The following QRICH2 variants were observed in gnomAD, a reference collection of about 807,000 sequenced individuals.
QRICH2 encodes the protein glutamine rich 2.
QRICH2 carries 119 observed loss-of-function variants against 168.3 expected under a neutral mutation model. That is an observed-to-expected ratio of 0.71 (90% CI 0.61 to 0.82). The LOEUF is 0.82. Ranked by LOEUF, QRICH2 falls within the 40% of genes least tolerant of loss-of-function variation. The pLI, the probability that QRICH2 is intolerant of heterozygous loss-of-function variation, is 0.00. For synonymous variants in QRICH2, 894 were observed against 951.2 expected (o/e 0.94, Z 1.11); for missense variants, 2,241 against 2,491.6 (o/e 0.90, Z 2.14).
At chr17:76,309,335 G>A (rs1355078943), upstream of QRICH2, among the ~76,000 whole-genome samples, 3 of 144,758 alleles carry the variant, frequency 2.1e-5, no homozygotes, top group African/African-American at 5.3e-5. Context: ...CAGCCTGGGC[G>A]ACAGTGCAAG....
At chr17:76,277,922 G>A in intron 15 of QRICH2, 67 bp downstream of exon 15, 2 of 1,542,476 alleles carry the variant, frequency 1.3e-6, no homozygotes, top group Non-Finnish European at 1.8e-6. Flanking sequence ...GCACAGCCGT[G>A]CACGAGCAGA....
chr17:76,291,549 T>A lies in QRICH2; in HGVS notation c.3178A>T (p.Ser1060Cys). 1 of 1,614,068 alleles carries A rather than the reference T, an allele frequency of 6.2e-7. No individual in the cohort carries two copies. The highest frequency in any genetic ancestry group is 8.5e-7 in the Non-Finnish European group (1 of 1,179,984). The part of the protein sequence containing the change: ...GLMHPGTDQH[S>C]PIPLSTGLGS... Reference sequence around the variant, plus strand: ...AAACCTGTACTCAGTGGTATTGGGCTGTGCTGGTCTGTGCCAGGATGCATC... The same window carrying A: ...AAACCTGTACTCAGTGGTATTGGGCAGTGCTGGTCTGTGCCAGGATGCATC... Residue 1060 changes from serine (S) to cysteine (C), a missense_variant, in exon 4 of 19, where the codon AGC becomes TGC. Physicochemically the swap from Ser to Cys is moderately radical, Grantham distance 112. Around this residue, in one of 3 missense-constraint regions of QRICH2, gnomAD observed 2,047 missense variants for 2,303.8 expected, o/e 0.89. Coordinates refer to ENST00000680821, the MANE Select transcript of QRICH2 (RefSeq NM_001388453.1).
rs1252353088 is a variant in QRICH2, at chr17:76,287,081, CACACACAT to C, written c.4011+103_4011+110del. ...ACACACACACACACACACACACACA[CACACACAT>C]GATGGGAGGGACCTAGTTTTTGATG... On this transcript the variant is annotated intron_variant, in intron 7 of 18. Transcript: ENST00000680821. 9.4e-4 allele frequency: 295 copies of C among 313,498 alleles called. 23 individuals are homozygous for C. Among genetic ancestry groups the C allele is most frequent in the Middle Eastern group, 3.7e-3 (6 of 1,642 alleles). 19.4% of individuals were successfully genotyped at this position (313,498 alleles called of 1,614,324 possible). A position where few individuals can be genotyped will look rare whatever the true frequency, so the allele number is the denominator to read the frequency against.
chr17:76,285,573 C>T (rs1310756527), intron 7 of QRICH2, among the ~76,000 whole-genome samples: 1 of 151,082 alleles, frequency 6.6e-6, no homozygotes, highest in Admixed American at 6.6e-5. Flanking sequence ...CGGCCCCACA[C>T]AAAAACTTAT....
rs200376022 is a variant in QRICH2, at chr17:76,292,730, T to C, written c.1997A>G (p.Asp666Gly). Residue 666 changes from aspartate (D) to glycine (G), a missense_variant, in exon 4 of 19, where the codon GAT becomes GGT. This residue lies in a region of QRICH2 where 2,047 missense variants were observed against 2,303.8 expected (regional missense o/e 0.89). Transcript: ENST00000680821. ...GCCAGGTTGGACCATGCCAGGCTGATCTACACCAGGCTGTACCAAGACACC... is the reference window on the plus strand; with the variant it reads ...GCCAGGTTGGACCATGCCAGGCTGACCTACACCAGGCTGTACCAAGACACC... The part of the protein sequence containing the change: ...GQGVLVQPGV[D>G]QPGMVQPGRF... The C allele has an allele frequency of 2.9e-5, 47 of 1,612,036 alleles. No individual in the cohort carries two copies. The Middle Eastern group carries it at 6.6e-4, about 23-fold the overall frequency.
In QRICH2 at chr17:76,308,129, A is replaced by C. The variant is rs1598509969; in HGVS notation, c.-131T>G. On this transcript the variant is annotated 5_prime_UTR_variant, in exon 1 of 19. Transcript: ENST00000680821. ...GGCGCCCCTGCCCCGGGTCCGGCCGAGTCACTGGACAGAGCTCCTGCCTCC... is the reference window on the plus strand; with the variant it reads ...GGCGCCCCTGCCCCGGGTCCGGCCGCGTCACTGGACAGAGCTCCTGCCTCC... 8.7e-7 allele frequency: 1 copy of C among 1,155,844 alleles called. No individual in the cohort carries two copies. The highest frequency in any genetic ancestry group is 1.1e-6 in the Non-Finnish European group (1 of 949,212). 71.6% of individuals were successfully genotyped at this position (1,155,844 alleles called of 1,614,324 possible). A position where few individuals can be genotyped will look rare whatever the true frequency, so the allele number is the denominator to read the frequency against.
At chr17:76,278,971 G>T in intron 14 of QRICH2, 70 bp downstream of exon 14, 1 of 1,305,500 alleles carries the variant, frequency 7.7e-7, no homozygotes, top group Non-Finnish European at 1.1e-6. Flanking sequence ...AGTCATCCCT[G>T]TCCCCTGCCT....
chr17:76,280,495 A>G lies in QRICH2; in HGVS notation c.4462-44T>C. On this transcript the variant is annotated intron_variant, in intron 10 of 18. Transcript: ENST00000680821. This position sits in a 1 kb window ranked among gnomAD's most constrained non-coding sequence, Gnocchi z 7.4. ...AGGTCCCCGCATCTGGGAGATGGCC[A>G]TGGAGGGGCCCCATTCCCTGGGGGT... is the stretch of plus-strand genomic sequence containing the variant. 6.2e-7 allele frequency: 1 copy of G among 1,606,898 alleles called. No individual in the cohort carries two copies. Among genetic ancestry groups the G allele is most frequent in the Non-Finnish European group, 8.5e-7 (1 of 1,176,208 alleles).
chr17:76,296,155 G>A (rs2070789797), intron 3 of QRICH2, among the ~76,000 whole-genome samples: 1 of 151,758 alleles, frequency 6.6e-6, no homozygotes, highest in Admixed American at 6.6e-5. Flanking sequence ...CCCAGAAGTC[G>A]GAGGTTGCAG....
Position 76,291,577 on chromosome 17 carries a change from A to G in QRICH2, c.3150T>C (p.Gly1050=), listed in dbSNP as rs749341845. ...SLVPPETYQQ[G]LMHPGTDQHS... is the part of the protein sequence containing the mutation. ...GCTGGTCTGTGCCAGGATGCATCAA[A>G]CCTTGCTGATAAGTTTCTGGTGGTA... Residue 1050 remains glycine, a synonymous_variant, in exon 4 of 19, where the codon GGT becomes GGC. Transcript: ENST00000680821. 3.1e-6 allele frequency: 5 copies of G among 1,613,886 alleles called. No homozygotes were observed. The East Asian group carries it at 1.1e-4, about 36-fold the overall frequency.
chr17:76,287,830 C>T lies in QRICH2; in HGVS notation c.3866G>A (p.Gly1289Glu). 1 of 1,614,114 alleles carries T rather than the reference C, an allele frequency of 6.2e-7. No homozygotes were observed. The highest frequency in any genetic ancestry group is 8.5e-7 in the Non-Finnish European group (1 of 1,179,988). The change falls in exon 6 of 19, where the codon GGA becomes GAA. Residue 1289 changes from glycine (G) to glutamate (E), a missense_variant. Physicochemically the swap from Gly to Glu is moderately conservative, Grantham distance 98. Around this residue, in one of 3 missense-constraint regions of QRICH2, gnomAD observed 2,047 missense variants for 2,303.8 expected, o/e 0.89. Transcript: ENST00000680821. ...NQEAGKELKA[G>E]ELRLQLGVLR... is the part of the protein sequence containing the mutation. The stretch of plus-strand genomic sequence containing the variant: ...GACACCCAGCTGCAATCTCAGCTCT[C>T]CAGCTTTCAGTTCCTTCCCTGCTTC...
Position 76,280,754 on chromosome 17 carries a change from A to T in QRICH2, c.4387-26T>A. ...CTGGGGAGGCCAAGTGAACAGAGAA[A>T]AAAAGAGCCAGCAGCTGCGGGGCTA... On this transcript the variant is annotated intron_variant, in intron 9 of 18. Transcript: ENST00000680821. The surrounding 1 kb of genome is among the most constrained non-coding windows in gnomAD (Gnocchi z 7.4). 1 of 1,614,128 alleles carries T rather than the reference A, an allele frequency of 6.2e-7. No homozygotes were observed. Among genetic ancestry groups the T allele is most frequent in the East Asian group, 2.2e-5 (1 of 44,882 alleles).
chr17:76,294,605 G>C (rs1324181767), intron 3 of QRICH2, among the ~76,000 whole-genome samples: 3 of 151,974 alleles, frequency 2.0e-5, no homozygotes, highest in Non-Finnish European at 4.4e-5. Context: ...TTGAGGTCAG[G>C]ACTTTGAGAC....
In QRICH2 at chr17:76,307,056, A is replaced by G. The variant is rs1344725851; in HGVS notation, c.534+409T>C. 6.6e-6 allele frequency among the ~76,000 whole-genome samples: 1 copy of G among 152,202 alleles called. No individual in the cohort carries two copies. The highest frequency in any genetic ancestry group is 6.5e-5 in the Admixed American group (1 of 15,278). ...TCATTTTAAAAAGGGAATTCACTCT[A>G]AGAATCTTCTGAGAAGTTGCCGGCC... On this transcript the variant is annotated intron_variant, in intron 1 of 18. Coordinates refer to ENST00000680821, the MANE Select transcript of QRICH2 (RefSeq NM_001388453.1). This position sits in a 1 kb window ranked among gnomAD's most constrained non-coding sequence, Gnocchi z 5.3.
rs1165073316 is a variant in QRICH2 at position 76,293,201 on chromosome 17, C to T, written c.1526G>A (p.Gly509Asp). 6.2e-7 allele frequency: 1 copy of T among 1,614,054 alleles called. No homozygotes were observed. Among genetic ancestry groups the T allele is most frequent in the Non-Finnish European group, 8.5e-7 (1 of 1,180,050 alleles). ...CAATGTCAATCCTTGCTGGTCTATA[C>T]CAGGGGGTACTAGTCCTTGCTGACC... ...GMGQQGLVPP[G>D]IDQQGLTLPV... Residue 509 changes from glycine to aspartate, a missense_variant, in exon 4 of 19, where the codon GGT (glycine) becomes GAT (aspartate). By Grantham distance (94) the Gly-to-Asp change is moderately conservative (BLOSUM62 -1). Around this residue, in one of 3 missense-constraint regions of QRICH2, gnomAD observed 2,047 missense variants for 2,303.8 expected, o/e 0.89. Transcript: ENST00000680821.
intron 3 of QRICH2, among the ~76,000 whole-genome samples, chr17:76,302,386 T>A (rs2070921389): frequency 6.6e-6 from 1 of 151,750 alleles, no homozygotes; most frequent in Non-Finnish European, 1.5e-5. Flanking sequence ...ATTTTGGTTT[T>A]AGTCACTATG....
chr17:76,302,395 T>C (rs970117333), intron 3 of QRICH2, among the ~76,000 whole-genome samples: 2 of 149,982 alleles, frequency 1.3e-5, no homozygotes, highest in African/African-American at 2.4e-5. Flanking sequence ...TTAGTCACTA[T>C]GGTGTGCTGA....
chr17:76,278,918 T>A, intron 14 of QRICH2, 123 bp downstream of exon 14: 1 of 821,252 alleles, frequency 1.2e-6, no homozygotes, highest in Admixed American at 2.0e-5. Context: ...CTCCACACTG[T>A]CCCACAGCAC....
At position 76,274,090 on chromosome 17, in the gene QRICH2, T is replaced by A; in HGVS notation, c.5653A>T (p.Thr1885Ser). Reference protein sequence around the residue: ...EEPTRGPRSSTAQ With the variant: ...EEPTRGPRSSSAQ ...ATTTACACCTCCGCTCACTGAGCGG[T>A]GCTGGACCGCGGCCCCCGCGTGGGC... is the stretch of plus-strand genomic sequence containing the variant. The change falls in exon 19 of 19, where the codon ACC becomes TCC. Residue 1885 changes from threonine to serine, a missense_variant. This residue lies in a region of QRICH2 where 189 missense variants were observed against 169.3 expected (regional missense o/e 1.12). Coordinates refer to ENST00000680821, the MANE Select transcript of QRICH2 (RefSeq NM_001388453.1). The A allele has an allele frequency of 6.3e-7, 1 of 1,576,828 alleles. No individual in the cohort carries two copies. Among genetic ancestry groups the A allele is most frequent in the Non-Finnish European group, 8.6e-7 (1 of 1,166,792 alleles).
Sources: gnomAD v4.1 joint callset for allele counts (sites outside exome capture counted in the v4.1 genomes callset) on GRCh38, gnomAD v4.1.1 for gene constraint, gnomAD v4.1.1 regional missense constraint, Gnocchi (gnomAD v3.1) non-coding constraint, MANE v1.5 for transcripts, NCBI Gene and HGNC (gene_info 2026-07-23, HGNC 2026-07-21) for gene names.